Variants in MMP26 observed in about 807,000 individuals in gnomAD.
MMP26 encodes the protein matrix metalloproteinase-26.
MMP26 carries 33 observed loss-of-function variants against 31.0 expected under a neutral mutation model. That is an observed-to-expected ratio of 1.06 (90% CI 0.81 to 1.42). MMP26 has a LOEUF of 1.42. MMP26 is among the 40% of genes most tolerant of loss of function. The probability of loss-of-function intolerance (pLI) is 0.00; values close to 1 mark genes in which losing one functional copy is unlikely to be tolerated. For synonymous variants in MMP26, 122 were observed against 114.9 expected, an observed-to-expected ratio of 1.06 and a Z score of -0.40; for missense variants, 347 against 316.1, an observed-to-expected ratio of 1.10 and a Z score of -0.74.
chr11:4,706,954 T>A (rs1011555817), intron 1 of MMP26, among the ~76,000 whole-genome samples: 1 of 152,230 alleles, frequency 6.6e-6, no homozygotes, highest in Non-Finnish European at 1.5e-5. Flanking sequence ...ATGTATGTCT[T>A]GTGCTTTCTT....
At chr11:4,816,452 A>G (rs1353155023) in intron 2 of MMP26, among the ~76,000 whole-genome samples, 1 of 152,000 alleles carries the variant, frequency 6.6e-6, no homozygotes, top group African/African-American at 2.4e-5. Context: ...TGAAAGTAGG[A>G]TGTTGAAGTC....
intron 1 of MMP26, among the ~76,000 whole-genome samples, chr11:4,733,363 T>C (rs571815806): frequency 6.6e-6 from 1 of 152,204 alleles, no homozygotes; most frequent in South Asian, 2.1e-4. Flanking sequence ...TGGTGTATGA[T>C]ATTTTCAGTG....
chr11:4,830,098 G>T (rs182086958), intron 2 of MMP26: 2 of 152,282 alleles, frequency 1.3e-5, no homozygotes, highest in African/African-American at 2.4e-5. Flanking sequence ...TCTCAGGAGG[G>T]TGTTCCTCGG....
intron 1 of MMP26, among the ~76,000 whole-genome samples, chr11:4,706,165 T>C (rs1449955564): frequency 6.6e-6 from 1 of 152,188 alleles, no homozygotes; most frequent in Non-Finnish European, 1.5e-5. Context: ...AGGCATTAAA[T>C]ACATTACCAC....
chr11:4,804,402 G>T (rs1022044988), intron 2 of MMP26: 47 of 1,553,404 alleles, frequency 3.0e-5, no homozygotes, highest in Non-Finnish European at 3.9e-5. Context: ...TATGGTCTCT[G>T]CTGGGAACGC....
chr11:4,923,403 T>C, intron 2 of MMP26: 6 of 1,570,660 alleles, frequency 3.8e-6, no homozygotes, highest in Non-Finnish European at 5.2e-6. Flanking sequence ...CTAAGTGACT[T>C]TATAAACTGA....
chr11:4,848,989 GC>G (rs1849930250), intron 2 of MMP26: 1 of 1,614,158 alleles, frequency 6.2e-7, no homozygotes. Context: ...GACACACTAA[GC>G]AAGAAGAGGA....
intron 2 of MMP26, among the ~76,000 whole-genome samples, chr11:4,896,932 C>T (rs1347191666): frequency 6.6e-6 from 1 of 152,058 alleles, no homozygotes; most frequent in Non-Finnish European, 1.5e-5. Context: ...GATGAACTGA[C>T]CTTTCATCAT....
chr11:4,769,166 G>A (rs17324609), intron 2 of MMP26: 181,340 of 1,612,790 alleles, frequency 0.11, 11,617 homozygotes, highest in Middle Eastern at 0.13. Context: ...GTAGAAGAAA[G>A]CAACTGCTCC....
At chr11:4,761,434 A>G (rs370125578) in intron 1 of MMP26, among the ~76,000 whole-genome samples, 48 of 152,292 alleles carry the variant, frequency 3.2e-4, no homozygotes, top group Middle Eastern at 3.4e-3. Context: ...TTCTATAAGG[A>G]ATCTTAATTG....
chr11:4,709,798 T>C (rs1322532481), intron 1 of MMP26: 2 of 457,712 alleles, frequency 4.4e-6, no homozygotes, highest in Non-Finnish European at 8.8e-6. Context: ...GGTCTGTGTC[T>C]TTCTACATTG....
intron 2 of MMP26, chr11:4,860,000 G>A (rs1250172813): frequency 2.1e-6 from 1 of 471,084 alleles, no homozygotes; most frequent in East Asian, 6.9e-5. Context: ...GCACAAGCTA[G>A]CCGCATCATG....
At chr11:4,907,546 G>A (rs757678839) in intron 2 of MMP26, 1 of 1,614,066 alleles carries the variant, frequency 6.2e-7, no homozygotes, top group Admixed American at 1.7e-5. Context: ...ATGAGCCCAT[G>A]TATTATTTCC....
intron 1 of MMP26, among the ~76,000 whole-genome samples, chr11:4,706,071 C>T (rs995064328): frequency 1.3e-4 from 20 of 151,934 alleles, no homozygotes; most frequent in African/African-American, 4.8e-4. Flanking sequence ...CCTTTGATTG[C>T]AGGAGTTGAA....
intron 2 of MMP26, chr11:4,919,088 G>A (rs139673325): frequency 6.6e-6 from 1 of 152,360 alleles, no homozygotes; most frequent in African/African-American, 2.4e-5. Context: ...ATTGACTGAT[G>A]TGAGAAAGCT....
At chr11:4,766,417 C>T (rs73397018) in intron 1 of MMP26, among the ~76,000 whole-genome samples, 8,474 of 152,156 alleles carry the variant, frequency 0.056, 819 homozygotes, top group African/African-American at 0.19. Flanking sequence ...TGCTTCTACT[C>T]GGTGTTTCAT....
intron 2 of MMP26, among the ~76,000 whole-genome samples, chr11:4,770,626 C>T (rs1269567090): frequency 4.6e-5 from 7 of 152,032 alleles, no homozygotes; most frequent in South Asian, 4.2e-4. Flanking sequence ...GGGCGGATCA[C>T]GAGGTCAAGA....
At chr11:4,967,544 T>C (rs188849888) in intron 2 of MMP26, among the ~76,000 whole-genome samples, 1 of 152,324 alleles carries the variant, frequency 6.6e-6, no homozygotes, top group East Asian at 1.9e-4. Flanking sequence ...CTGAGGTTCC[T>C]GTACCTACCA....
chr11:4,931,318 G>GT (rs1370112144), intron 2 of MMP26, among the ~76,000 whole-genome samples: 3 of 152,142 alleles, frequency 2.0e-5, no homozygotes, highest in South Asian at 4.1e-4. Context: ...ACTTAGTATT[G>GT]TCCTGCCTCA....
Sources: allele counts gnomAD v4.1 joint callset (sites outside exome capture counted in the v4.1 genomes callset), GRCh38; gene constraint gnomAD v4.1.1; transcripts MANE v1.5; gene names NCBI Gene and HGNC (gene_info 2026-07-23, HGNC 2026-07-21).